The following SYNE2 variants were observed in gnomAD, a reference collection of about 807,000 sequenced individuals.
SYNE2 encodes the protein spectrin repeat containing nuclear envelope protein 2, also known as nesprin-2.
SYNE2 carries 431 observed loss-of-function variants against 856.3 expected under a neutral mutation model. The ratio of observed to expected loss-of-function variants is 0.50; its 90% confidence interval spans 0.47 to 0.55. The LOEUF (loss-of-function observed/expected upper bound fraction) is 0.55. Among genes scored for constraint, SYNE2 ranks in the 20% least tolerant of loss-of-function variants. The pLI, the probability that SYNE2 is intolerant of heterozygous loss-of-function variation, is 0.00. For missense variants in SYNE2, 8,129 were observed against 8,023.2 expected (o/e 1.01, Z -0.50); for synonymous variants, 2,923 against 2,872.3 (o/e 1.02, Z -0.56).
At position 63,940,629 on chromosome 14, in the gene SYNE2, C is replaced by G. The variant is rs764391811; in HGVS notation, c.95C>G (p.Thr32Ser). Residue 32 changes from threonine to serine, a missense_variant, in exon 3 of 116, where the codon ACC becomes AGC. Physicochemically the swap from Thr to Ser is moderately conservative, Grantham distance 58 (BLOSUM62 1). Transcript: ENST00000555002. Reference protein sequence around the residue: ...HISLQAEQEDTQKKAFTCWIN... With the variant: ...HISLQAEQEDSQKKAFTCWIN... Reference sequence around the variant, plus strand: ...TCTTTGATAGCTGAACAGGAAGACACCCAGAAGAAAGCCTTCACGTGCTGG... The same window carrying G: ...TCTTTGATAGCTGAACAGGAAGACAGCCAGAAGAAAGCCTTCACGTGCTGG... 5.0e-6 allele frequency: 8 copies of G among 1,613,946 alleles called. 1 individual carries two copies. The highest frequency in any genetic ancestry group is 6.8e-6 in the Non-Finnish European group (8 of 1,180,010).
chr14:64,049,724 G>C lies in SYNE2; in HGVS notation c.7491G>C (p.Ser2497=), dbSNP rs375202949. The change falls in exon 47 of 116, where the codon TCG becomes TCC. Residue 2497 remains serine, a synonymous_variant. Coordinates refer to ENST00000555002, the MANE Select transcript of SYNE2 (RefSeq NM_182914.3). ...GALVLHNIGY[S]AQHLDNLLQA... ...TGGTTCTCCACAATATAGGATATTC[G>C]GCACAGCATTTGGACAATTTGCTTC... is the stretch of plus-strand genomic sequence containing the variant. 32 of 1,613,918 alleles carry C rather than the reference G, an allele frequency of 2.0e-5. No individual in the cohort carries two copies. Among genetic ancestry groups the C allele is most frequent in the Non-Finnish European group, 2.5e-5 (30 of 1,180,012 alleles).
intron 96 of SYNE2, among the ~76,000 whole-genome samples, chr14:64,182,625 A>G (rs1257461867): frequency 2.6e-5 from 4 of 152,186 alleles, no homozygotes; most frequent in Non-Finnish European, 4.4e-5. Flanking sequence ...CATCTGTTTA[A>G]CAAAGCACAT....
intron 76 of SYNE2, among the ~76,000 whole-genome samples, chr14:64,131,797 A>G (rs970776984): frequency 6.6e-6 from 1 of 152,190 alleles, no homozygotes; most frequent in African/African-American, 2.4e-5. Context: ...ATTTAGAAAG[A>G]TCTATCTGGA....
chr14:63,927,207 A>T (rs1164409920), intron 2 of SYNE2, among the ~76,000 whole-genome samples: 2 of 152,228 alleles, frequency 1.3e-5, no homozygotes, highest in African/African-American at 4.8e-5. Flanking sequence ...TGGCGCAGGC[A>T]GACTTGGTTG....
intron 65 of SYNE2, 68 bp downstream of exon 65, chr14:64,107,675 T>A: frequency 2.4e-6 from 3 of 1,239,104 alleles, no homozygotes; most frequent in Non-Finnish European, 3.6e-6. Flanking sequence ...TGACCAGTGT[T>A]CTGTGTCCTG....
chr14:63,762,106 T>C (rs1886506109), intron 1 of SYNE2: 1 of 470,904 alleles, frequency 2.1e-6, no homozygotes, highest in Admixed American at 2.3e-5. Context: ...TGTTGAAAAA[T>C]ATGATCCTAC....
At chr14:64,175,788 C>T (rs1277594484) in intron 95 of SYNE2, among the ~76,000 whole-genome samples, 1 of 152,132 alleles carries the variant, frequency 6.6e-6, no homozygotes, top group East Asian at 1.9e-4. Context: ...TGTGCCAAAA[C>T]TAGATAACCA....
intron 1 of SYNE2, among the ~76,000 whole-genome samples, chr14:63,881,399 C>T (rs1157369737): frequency 2.0e-5 from 3 of 151,790 alleles, no homozygotes; most frequent in African/African-American, 7.3e-5. Context: ...CAGTGGCTTA[C>T]GGCTGTAATC....
intron 2 of SYNE2, among the ~76,000 whole-genome samples, chr14:63,924,215 A>G (rs1172237402): frequency 6.6e-6 from 1 of 152,196 alleles, no homozygotes; most frequent in African/African-American, 2.4e-5. Flanking sequence ...CCATTCTTCT[A>G]TTATATAGAT....
Position 64,208,472 on chromosome 14 carries a change from C to A in SYNE2, c.18202-286C>A, listed in dbSNP as rs578071229. ...TGGGCTCTCAACAGTAATGGCGCCA[C>A]CTGTCAGTGCGTAGAGGACACCCAT... On this transcript the variant is annotated intron_variant, in intron 100 of 115. Transcript: ENST00000555002. Among the ~76,000 whole-genome samples the A allele has an allele frequency of 2.6e-5, 4 of 152,158 alleles. No individual in the cohort carries two copies. In the East Asian group the frequency reaches 7.7e-4, roughly 29 times the overall value.
intron 1 of SYNE2, among the ~76,000 whole-genome samples, chr14:63,847,344 C>T (rs1200647660): frequency 1.3e-5 from 2 of 151,706 alleles, no homozygotes; most frequent in Non-Finnish European, 2.9e-5. Flanking sequence ...GTAGTCCCAG[C>T]TACTCAGGAG....
chr14:63,895,271 ATT>A (rs933487886), intron 1 of SYNE2, among the ~76,000 whole-genome samples: 2 of 144,214 alleles, frequency 1.4e-5, no homozygotes, highest in African/African-American at 2.5e-5. Flanking sequence ...CCCCTGGCTA[ATT>A]TTTTTTTTTT....
intron 52 of SYNE2, among the ~76,000 whole-genome samples, chr14:64,072,681 A>G (rs2097421705): frequency 6.6e-6 from 1 of 152,012 alleles, no homozygotes. Flanking sequence ...TTGTATTTTT[A>G]GTAGAGGAGG....
rs79612524 is a variant in SYNE2 at position 64,210,509 on chromosome 14, C to T, written c.18723+385C>T. On this transcript the variant is annotated intron_variant, in intron 103 of 115. Coordinates refer to ENST00000555002, the MANE Select transcript of SYNE2 (RefSeq NM_182914.3). ...CCCATCTGTCTGTTTTTATGGGACC[C>T]CCCCCAGCTCTCGCACTGAGGAGGA... Among the ~76,000 whole-genome samples, 161 of 152,284 alleles carry T rather than the reference C, an allele frequency of 1.1e-3. 1 individual carries two copies. The highest frequency in any genetic ancestry group is 3.7e-3 in the African/African-American group (153 of 41,550).
Position 64,029,841 on chromosome 14 carries a change from G to A in SYNE2, c.6715-54G>A, listed in dbSNP as rs935320265. 2.6e-6 allele frequency: 4 copies of A among 1,561,446 alleles called. No homozygotes were observed. In the Admixed American group the frequency reaches 5.3e-5, roughly 21 times the overall value. ...TATTAGTCATTTAATTATTTTGTGAGTGAAAACAATCAGAGAGAAATAATT... is the reference window on the plus strand; with the variant it reads ...TATTAGTCATTTAATTATTTTGTGAATGAAAACAATCAGAGAGAAATAATT... On this transcript the variant is annotated intron_variant, in intron 43 of 115. Transcript: ENST00000555002.
At chr14:63,896,946 C>T (rs114314227) in intron 1 of SYNE2, among the ~76,000 whole-genome samples, 1,609 of 152,024 alleles carry the variant, frequency 0.011, 21 homozygotes, top group African/African-American at 0.037. Context: ...TGTGTTCATG[C>T]GTGTGTTTAA....
rs1335053261 is a variant in SYNE2, at chr14:63,976,603, C to T, written c.1169C>T (p.Pro390Leu). The T allele has an allele frequency of 6.2e-7, 1 of 1,611,684 alleles. No individual in the cohort carries two copies. The highest frequency in any genetic ancestry group is 1.1e-5 in the South Asian group (1 of 90,950). Reference sequence around the variant, plus strand: ...ATAAAGCTAAATTATGCCTTGCCCCCACCCCTCCATCAAACTGAAGCTTGG... The same window carrying T: ...ATAAAGCTAAATTATGCCTTGCCCCTACCCCTCCATCAAACTGAAGCTTGG... ...WKIKLNYALPPPLHQTEAWLQ... is the reference protein window; with the variant it reads ...WKIKLNYALPLPLHQTEAWLQ... Residue 390 changes from proline (P) to leucine (L), a missense_variant, in exon 12 of 116, where the codon CCA (proline) becomes CTA (leucine). By Grantham distance (98) the Pro-to-Leu change is moderately conservative (BLOSUM62 -3). Transcript: ENST00000555002.
chr14:63,865,763 TA>T lies in SYNE2; in HGVS notation c.-52+12628del, dbSNP rs934298608. 3.5e-4 allele frequency among the ~76,000 whole-genome samples: 47 copies of T among 134,650 alleles called. No homozygotes were observed. The Admixed American group carries it at 3.8e-3, about 11-fold the overall frequency. The allele number at this position is 134,650 out of a possible 152,430, so 88.3% of individuals were successfully genotyped here. A position where few individuals can be genotyped will look rare whatever the true frequency, so the allele number is the denominator to read the frequency against. ...AGAAAAAAGAAATTTATCTGGCCTT[TA>T]AAAAAAAGAACACCAGGCTGGGCAA... On this transcript the variant is annotated intron_variant, in intron 1 of 115. Coordinates refer to ENST00000555002, the MANE Select transcript of SYNE2 (RefSeq NM_182914.3).
chr14:63,840,929 G>A lies in SYNE2; in HGVS notation c.-304-11572G>A, dbSNP rs183493106. 5.1e-4 allele frequency among the ~76,000 whole-genome samples: 78 copies of A among 152,148 alleles called. No homozygotes were observed. The Middle Eastern group carries it at 0.01, about 20-fold the overall frequency. ...CTCAGGAGGCTGAGGCAGGAGAATC[G>A]CTTGAACCCGGGAGGCAGAGGTTTC... On this transcript the variant is annotated intron_variant, in intron 1 of 23. Coordinates refer to the SYNE2 transcript ENST00000674003.
Sources: gnomAD v4.1 joint callset for allele counts (sites outside exome capture counted in the v4.1 genomes callset) on GRCh38, gnomAD v4.1.1 for gene constraint, MANE v1.5 for transcripts, NCBI Gene and HGNC (gene_info 2026-07-23, HGNC 2026-07-21) for gene names.